The following AQP4 variants were observed in gnomAD, a reference collection of about 807,000 sequenced individuals.
The protein encoded by AQP4 is aquaporin-4.
A neutral mutation model predicts 27.8 loss-of-function variants in AQP4; 18 were observed. The ratio of observed to expected loss-of-function variants is 0.65; its 90% CI spans 0.45 to 0.96. The LOEUF is 0.96. Among genes scored for constraint, AQP4 ranks in the 40% least tolerant of loss-of-function variants. The pLI is 0.00. For synonymous variants in AQP4, 141 were observed against 142.9 expected (o/e 0.99, Z 0.10); for missense variants, 412 against 408.2 (o/e 1.01, Z -0.08).
intron 1 of AQP4, chr18:26,862,838 C>A: frequency 1.7e-6 from 1 of 584,332 alleles, no homozygotes; most frequent in South Asian, 2.1e-5. Context: ...TCCAAACTGT[C>A]CCTAGAAAGG....
Position 26,852,523 on chromosome 18 carries a change from T to A in AQP4, c.*3688A>T, listed in dbSNP as rs951199296. On this transcript the variant is annotated 3_prime_UTR_variant, in exon 5 of 5. Transcript: ENST00000383168. ...GAAATGTATTTTCACAGGCTATAGG[T>A]AGTCATTTGCAAAGATGGCCACAAT... 1 of 286,788 alleles carries A rather than the reference T, an allele frequency of 3.5e-6. No homozygotes were observed. The highest frequency in any genetic ancestry group is 2.2e-5 in the African/African-American group (1 of 46,388). 17.8% of individuals were successfully genotyped at this position (286,788 alleles called of 1,614,324 possible). A position where few individuals can be genotyped will look rare whatever the true frequency, so the allele number is the denominator to read the frequency against.
Position 26,862,352 on chromosome 18 carries a change from C to T in AQP4, c.277G>A (p.Gly93Ser), listed in dbSNP as rs1228387793. ...GTCACTGCAGGGTTGATGTGGCCAC[C>T]GCTGATATGGCCAAAGCACTGCACC... ...TMVQCFGHIS[G>S]GHINPAVTVA... Residue 93 changes from glycine to serine, a missense_variant, in exon 2 of 5, where the codon GGT (glycine) becomes AGT (serine). Gly to Ser is a moderately conservative substitution (Grantham distance 56). Transcript: ENST00000383168. The T allele has an allele frequency of 1.2e-5, 20 of 1,614,062 alleles. No individual in the cohort carries two copies. Among genetic ancestry groups the T allele is most frequent in the Non-Finnish European group, 1.7e-5 (20 of 1,180,040 alleles).
intron 4 of AQP4, among the ~76,000 whole-genome samples, chr18:26,858,358 G>C (rs2054880364): frequency 6.6e-6 from 1 of 151,992 alleles, no homozygotes; most frequent in Non-Finnish European, 1.5e-5. Context: ...GTTTTCCACT[G>C]TACTACACAC....
In AQP4 at chr18:26,855,579, T is replaced by G. The variant is rs1213287050; in HGVS notation, c.*632A>C. 1 of 153,104 alleles carries G rather than the reference T, an allele frequency of 6.5e-6. No homozygotes were observed. Among genetic ancestry groups the G allele is most frequent in the Non-Finnish European group, 1.5e-5 (1 of 68,450 alleles). The allele number at this position is 153,104 out of a possible 1,614,324, so 9.5% of individuals were successfully genotyped here. A position where few individuals can be genotyped will look rare whatever the true frequency, so the allele number is the denominator to read the frequency against. On this transcript the variant is annotated 3_prime_UTR_variant, in exon 5 of 5. Coordinates refer to ENST00000383168, the MANE Select transcript of AQP4 (RefSeq NM_001650.7). ...CAAATTTCTGGGCTTTAGTCCCACATTACCTTGGGCATTGAGGAGGAAGAA... is the reference window on the plus strand; with the variant it reads ...CAAATTTCTGGGCTTTAGTCCCACAGTACCTTGGGCATTGAGGAGGAAGAA...
intron 1 of AQP4, among the ~76,000 whole-genome samples, chr18:26,864,700 C>T (rs895796649): frequency 2.6e-5 from 4 of 151,980 alleles, no homozygotes; most frequent in Non-Finnish European, 4.4e-5. Flanking sequence ...GGGCAAAATG[C>T]GATCATAGGT....
intron 3 of AQP4, 114 bp from the exon 4 acceptor site, chr18:26,860,966 G>A: frequency 5.2e-6 from 7 of 1,353,628 alleles, no homozygotes; most frequent in Non-Finnish European, 4.2e-6. Context: ...GATATTAGCA[G>A]CTATATCAAC....
chr18:26,862,054 A>T, intron 2 of AQP4, 128 bp downstream of exon 2: 1 of 1,066,034 alleles, frequency 9.4e-7, no homozygotes, highest in Non-Finnish European at 1.4e-6. Flanking sequence ...CACTATTAAG[A>T]ATCATCAAAA....
intron 1 of AQP4, among the ~76,000 whole-genome samples, chr18:26,863,438 G>T (rs1012476442): frequency 6.7e-6 from 1 of 150,308 alleles, no homozygotes; most frequent in African/African-American, 2.4e-5. Flanking sequence ...AGGTGCACAC[G>T]CAGAAGCGGC....
rs893806406 is a variant in AQP4 at position 26,856,278 on chromosome 18, A to G, written c.905T>C (p.Ile302Thr). 5 of 1,614,066 alleles carry G rather than the reference A, an allele frequency of 3.1e-6. No individual in the cohort carries two copies. Among genetic ancestry groups the G allele is most frequent in the Non-Finnish European group, 4.2e-6 (5 of 1,180,036 alleles). ...LILKPGVVHV[I>T]DVDRGEEKKG... ...CTTCTCCTCTCCCCGGTCAACGTCA[A>G]TCACATGCACCACTCCAGGTTTTAG... Residue 302 changes from isoleucine to threonine, a missense_variant, in exon 5 of 5, where the codon ATT becomes ACT. Ile to Thr is a moderately conservative substitution (Grantham distance 89, BLOSUM62 -1). Coordinates refer to ENST00000383168, the MANE Select transcript of AQP4 (RefSeq NM_001650.7).
Position 26,856,128 on chromosome 18 carries a change from A to G in AQP4, c.*83T>C. Reference sequence around the variant, plus strand: ...ACAAACCTGCACATTTCTAATTTATAACAAATCTGTTTCCTTAATGGGTGG... The same window carrying G: ...ACAAACCTGCACATTTCTAATTTATGACAAATCTGTTTCCTTAATGGGTGG... On this transcript the variant is annotated 3_prime_UTR_variant, in exon 5 of 5. Transcript: ENST00000383168. 1 of 1,532,034 alleles carries G rather than the reference A, an allele frequency of 6.5e-7. No homozygotes were observed. The highest frequency in any genetic ancestry group is 9.0e-7 in the Non-Finnish European group (1 of 1,107,676). 94.9% of individuals were successfully genotyped at this position (1,532,034 alleles called of 1,614,324 possible). A position where few individuals can be genotyped will look rare whatever the true frequency, so the allele number is the denominator to read the frequency against.
intron 1 of AQP4, chr18:26,865,177 C>T (rs532209563): frequency 4.0e-6 from 1 of 248,478 alleles, no homozygotes; most frequent in Admixed American, 4.9e-5. Flanking sequence ...TAGCGTCACC[C>T]ATAGCACCCT....
Position 26,862,512 on chromosome 18 carries a change from T to C in AQP4, c.117A>G (p.Thr39=). ...VWTQAFWKAV[T]AEFLAMLIFV... is the part of the protein sequence containing the mutation. ...AAATAAGCATGGCCAGAAATTCCGC[T>C]GTGACTGCTTTCCAGAAAGCTTGAG... Residue 39 remains threonine, a synonymous_variant, in exon 2 of 5, where the codon ACA becomes ACG. Coordinates refer to ENST00000383168, the MANE Select transcript of AQP4 (RefSeq NM_001650.7). 6.2e-7 allele frequency: 1 copy of C among 1,614,200 alleles called. No individual in the cohort carries two copies. The highest frequency in any genetic ancestry group is 8.5e-7 in the Non-Finnish European group (1 of 1,180,024).
intron 4 of AQP4, 93 bp from the exon 5 acceptor site, chr18:26,856,582 AG>A (rs1938296400): frequency 1.4e-6 from 2 of 1,442,486 alleles, no homozygotes; most frequent in Non-Finnish European, 1.9e-6. Flanking sequence ...GGTTAAATTA[AG>A]AGTGTATTTG....
chr18:26,861,033 A>C, intron 3 of AQP4, 98 bp downstream of exon 3: 1 of 1,477,620 alleles, frequency 6.8e-7, no homozygotes, highest in Non-Finnish European at 9.5e-7. Flanking sequence ...ATGGCTGGAT[A>C]CTAAAGAGCT....
rs1362226878 is a variant in AQP4 at position 26,855,995 on chromosome 18, A to T, written c.*216T>A. 4.9e-6 allele frequency: 3 copies of T among 607,586 alleles called. No homozygotes were observed. Among genetic ancestry groups the T allele is most frequent in the Admixed American group, 3.1e-5 (1 of 32,616 alleles). 37.6% of individuals were successfully genotyped at this position (607,586 alleles called of 1,614,324 possible). Reference sequence around the variant, plus strand: ...GTATATATTTGCTTAAGAACATTTTAAAAATATTTCTTTTTTTAGATTTGG... The same window carrying T: ...GTATATATTTGCTTAAGAACATTTTTAAAATATTTCTTTTTTTAGATTTGG... On this transcript the variant is annotated 3_prime_UTR_variant, in exon 5 of 5. Coordinates refer to ENST00000383168, the MANE Select transcript of AQP4 (RefSeq NM_001650.7).
At chr18:26,858,615 C>G (rs2054884925) in intron 4 of AQP4, among the ~76,000 whole-genome samples, 1 of 152,204 alleles carries the variant, frequency 6.6e-6, no homozygotes, top group South Asian at 2.1e-4. Context: ...GAGAGCCCTC[C>G]TCTAAATGTC....
chr18:26,853,038 A>G lies in AQP4; in HGVS notation c.*3173T>C, dbSNP rs969509808. The G allele has an allele frequency of 3.5e-5, 14 of 396,384 alleles. No individual in the cohort carries two copies. The highest frequency in any genetic ancestry group is 6.2e-5 in the Non-Finnish European group (14 of 225,068). The allele number at this position is 396,384 out of a possible 1,614,324, so 24.6% of individuals were successfully genotyped here. On this transcript the variant is annotated 3_prime_UTR_variant, in exon 5 of 5. Transcript: ENST00000383168. ...ACCAATACATGTGTTGTCTGGTTTC[A>G]TGGTCTGAGAACAGTATTCTGTGCT...
chr18:26,865,360 G>C, intron 1 of AQP4: 1 of 513,068 alleles, frequency 1.9e-6, no homozygotes, highest in East Asian at 3.6e-5. Flanking sequence ...TGAGCGTCTG[G>C]GTGAGTAATT....
chr18:26,864,548 A>G (rs2055021742), intron 1 of AQP4, among the ~76,000 whole-genome samples: 1 of 152,170 alleles, frequency 6.6e-6, no homozygotes, highest in Non-Finnish European at 1.5e-5. Context: ...GATGGTTGCA[A>G]TGGGGCAGGG....
Sources: gnomAD v4.1 joint callset for allele counts (sites outside exome capture counted in the v4.1 genomes callset) on GRCh38, gnomAD v4.1.1 for gene constraint, MANE v1.5 for transcripts, NCBI Gene and HGNC (gene_info 2026-07-23, HGNC 2026-07-21) for gene names.